SYNPR: variants seen among roughly 807,000 people sequenced by gnomAD.
SYNPR encodes the protein synaptoporin.
A neutral mutation model predicts 32.9 loss-of-function variants in SYNPR; 23 were observed. The ratio of observed to expected loss-of-function variants is 0.70; its 90% CI spans 0.50 to 0.99. The LOEUF (loss-of-function observed/expected upper bound fraction) is 0.99, where lower values mean the gene tolerates loss of function less well. Among genes scored for constraint, SYNPR ranks in the 50% least tolerant of loss-of-function variants. The probability of loss-of-function intolerance (pLI) is 0.00; values close to 1 mark genes in which losing one functional copy is unlikely to be tolerated. For missense variants in SYNPR, 318 were observed against 349.3 expected (o/e 0.91, Z 0.71); for synonymous variants, 146 against 135.9 (o/e 1.07, Z -0.52).
chr3:63,422,697 A>G (rs1699821622), intron 2 of SYNPR, among the ~76,000 whole-genome samples: 1 of 152,216 alleles, frequency 6.6e-6, no homozygotes, highest in South Asian at 2.1e-4. Context: ...ATGGAAACAC[A>G]GTGCCGGGGC....
chr3:63,437,972 G>T (rs147532569), intron 2 of SYNPR, among the ~76,000 whole-genome samples: 121 of 152,278 alleles, frequency 7.9e-4, no homozygotes, highest in African/African-American at 2.7e-3. Context: ...ACAAACAAAA[G>T]CTCTCCAGCA....
intron 2 of SYNPR, among the ~76,000 whole-genome samples, chr3:63,469,670 C>T (rs1700760285): frequency 6.6e-6 from 1 of 152,112 alleles, no homozygotes; most frequent in East Asian, 1.9e-4. Flanking sequence ...TATTCCTATT[C>T]AACCCGATGG....
At position 63,256,735 on chromosome 3, in the gene SYNPR, T is replaced by C. The variant is rs181538739; in HGVS notation, n.154+4149T>C. ...CTGGACAGAGAATGACTTTGACGAG[T>C]TGAGAGAAGAAGGCTTCAGATGATC... On this transcript the variant is annotated intron_variant and non_coding_transcript_variant, in intron 2 of 4. Coordinates refer to the SYNPR transcript ENST00000478456. 9.7e-4 allele frequency among the ~76,000 whole-genome samples: 148 copies of C among 151,932 alleles called. 1 individual carries two copies. In the Middle Eastern group the frequency reaches 0.037, roughly 38 times the overall value.
At chr3:63,324,649 T>C (rs185979705) in intron 2 of SYNPR, among the ~76,000 whole-genome samples, 1 of 152,164 alleles carries the variant, frequency 6.6e-6, no homozygotes, top group Admixed American at 6.5e-5. Context: ...TATATAGTAT[T>C]GGGTTTATAA....
At chr3:63,498,814 C>A (rs9849009) in intron 3 of SYNPR, among the ~76,000 whole-genome samples, 23,372 of 151,620 alleles carry the variant, frequency 0.15, 1,922 homozygotes, top group Non-Finnish European at 0.2. Context: ...GCATCTTTTA[C>A]TTACAACTAC....
intron 2 of SYNPR, 104 bp from the exon 3 acceptor site, chr3:63,480,728 A>G: frequency 7.1e-7 from 1 of 1,415,134 alleles, no homozygotes; most frequent in East Asian, 2.4e-5. Flanking sequence ...CTTCAGAAGG[A>G]CCATAAATTC....
At chr3:63,232,477 A>G (rs910751201) in intron 1 of SYNPR, among the ~76,000 whole-genome samples, 1 of 152,180 alleles carries the variant, frequency 6.6e-6, no homozygotes, top group Non-Finnish European at 1.5e-5. Context: ...TGCTGGGATT[A>G]CTGGCGTGAG....
chr3:63,436,918 C>T (rs1256520014), intron 2 of SYNPR, among the ~76,000 whole-genome samples: 2 of 152,110 alleles, frequency 1.3e-5, no homozygotes, highest in Non-Finnish European at 2.9e-5. Flanking sequence ...GCTCTGTTGC[C>T]CGGGCTGAAG....
chr3:63,233,852 G>T (rs2086182627), intron 1 of SYNPR, among the ~76,000 whole-genome samples: 1 of 152,128 alleles, frequency 6.6e-6, no homozygotes, highest in Non-Finnish European at 1.5e-5. Flanking sequence ...GTTGCCATTG[G>T]CCTTTTCCCC....
chr3:63,528,604 A>G (rs1702058583), intron 3 of SYNPR, among the ~76,000 whole-genome samples: 1 of 151,914 alleles, frequency 6.6e-6, no homozygotes, highest in South Asian at 2.1e-4. Flanking sequence ...CACACTTACT[A>G]TTCTTCCAGT....
intron 3 of SYNPR, among the ~76,000 whole-genome samples, chr3:63,272,555 G>A (rs546639514): frequency 6.7e-6 from 1 of 149,900 alleles, no homozygotes; most frequent in Non-Finnish European, 1.5e-5. Context: ...GTCCCTTGTG[G>A]TCTTAAAGCT....
At chr3:63,231,668 T>A (rs1056427144) in intron 1 of SYNPR, among the ~76,000 whole-genome samples, 1 of 152,114 alleles carries the variant, frequency 6.6e-6, no homozygotes. Context: ...TCAAAAGCAG[T>A]CAGCATCCTT....
chr3:63,551,883 ATTTAT>A (rs1304155530), intron 3 of SYNPR, among the ~76,000 whole-genome samples: 1 of 149,614 alleles, frequency 6.7e-6, no homozygotes, highest in East Asian at 2.0e-4. Flanking sequence ...TTATTTATTT[ATTTAT>A]TTATTTATTT....
chr3:63,389,865 A>ATTG (rs1560213988), intron 2 of SYNPR, among the ~76,000 whole-genome samples: 1 of 152,148 alleles, frequency 6.6e-6, no homozygotes, highest in Non-Finnish European at 1.5e-5. Flanking sequence ...ACTTTGCAGG[A>ATTG]TTGTTGTGAG....
chr3:63,567,239 T>A (rs529365444), intron 4 of SYNPR, among the ~76,000 whole-genome samples: 8 of 152,222 alleles, frequency 5.3e-5, no homozygotes, highest in African/African-American at 1.7e-4. Flanking sequence ...GAGAGAGCAC[T>A]ACCCCATTAA....
chr3:63,401,909 A>C lies in SYNPR; in HGVS notation c.85-78923A>C, dbSNP rs1575625958. On this transcript the variant is annotated intron_variant, in intron 2 of 5. Transcript: ENST00000478300. The stretch of plus-strand genomic sequence containing the variant: ...TCAGTATCTCTGAAAGTTGAGAAAC[A>C]TGAGGCCAGTAGGAGATAAAGAAAG... Among the ~76,000 whole-genome samples the C allele has an allele frequency of 3.9e-5, 6 of 152,304 alleles. 1 individual carries two copies. Among genetic ancestry groups the C allele is most frequent in the East Asian group, 1.9e-4 (1 of 5,176 alleles).
chr3:63,559,462 A>G (rs568499005), intron 4 of SYNPR, among the ~76,000 whole-genome samples: 13 of 152,278 alleles, frequency 8.5e-5, no homozygotes, highest in East Asian at 3.9e-4. Context: ...AACTTTATAC[A>G]AGTAGGGACA....
chr3:63,614,198 C>T (rs1700245148), intron 5 of SYNPR, among the ~76,000 whole-genome samples: 1 of 152,222 alleles, frequency 6.6e-6, no homozygotes, highest in South Asian at 2.1e-4. Context: ...ACTAAATATA[C>T]TTTAATGTTA....
intron 3 of SYNPR, among the ~76,000 whole-genome samples, chr3:63,505,591 G>C (rs1575680703): frequency 6.6e-6 from 1 of 152,278 alleles, no homozygotes; most frequent in East Asian, 1.9e-4. Flanking sequence ...TGCTTTTGCA[G>C]CTTGAAGGTT....
Sources: allele counts gnomAD v4.1 joint callset (sites outside exome capture counted in the v4.1 genomes callset), GRCh38; gene constraint gnomAD v4.1.1; transcripts MANE v1.5; gene names NCBI Gene and HGNC (gene_info 2026-07-23, HGNC 2026-07-21).